Variants in DPH6 observed in about 807,000 individuals in gnomAD.
DPH6 encodes the protein diphthine--ammonia ligase.
In DPH6, 33 loss-of-function variants were observed where a neutral mutation model predicts 38.2. The observed-to-expected ratio is 0.86, with a 90% CI of 0.65 to 1.15. The LOEUF is 1.15. Among genes scored for constraint, DPH6 ranks in the 50% most tolerant of loss-of-function variants. The pLI is 0.00. For missense variants in DPH6, 325 were observed against 320.0 expected (o/e 1.02, Z -0.12); for synonymous variants, 108 against 103.0 (o/e 1.05, Z -0.30).
chr15:35,311,204 T>C (rs1297970204), intron 3 of DPH6, among the ~76,000 whole-genome samples: 1 of 152,142 alleles, frequency 6.6e-6, no homozygotes. Flanking sequence ...TAGTACTCAA[T>C]AAACATTAGG....
chr15:35,507,309 T>C (rs955751876), intron 3 of DPH6, among the ~76,000 whole-genome samples: 2 of 152,068 alleles, frequency 1.3e-5, no homozygotes, highest in African/African-American at 2.4e-5. Context: ...AATACTATAA[T>C]ATAAAAATTT....
intron 3 of DPH6, among the ~76,000 whole-genome samples, chr15:35,279,068 A>AAAAAATAAATAAATATAT (rs1555390826): frequency 9.7e-6 from 1 of 102,992 alleles, no homozygotes; most frequent in Admixed American, 1.1e-4. Context: ...AAAAAAAAAA[A>AAAAAATAAATAAATATAT]ATATATATAT....
At chr15:35,489,217 G>A in intron 3 of DPH6, 1 of 484,396 alleles carries the variant, frequency 2.1e-6, no homozygotes, top group Non-Finnish European at 2.7e-6. Context: ...ATATAATCTT[G>A]GAAACCACAG....
At position 35,496,708 on chromosome 15, in the gene DPH6, T is replaced by A. The variant is rs557621611; in HGVS notation, c.312+41566A>T. On this transcript the variant is annotated intron_variant, in intron 3 of 8. Coordinates refer to ENST00000256538, the MANE Select transcript of DPH6 (RefSeq NM_080650.4). The stretch of plus-strand genomic sequence containing the variant: ...ATGGTCAGTAAACATGTGAAAAAAA[T>A]TTTCAATCTCATCAGAGAAATGCAA... Among the ~76,000 whole-genome samples the A allele has an allele frequency of 3.3e-5, 5 of 149,912 alleles. No homozygotes were observed. The South Asian group carries it at 8.6e-4, about 26-fold the overall frequency.
chr15:35,445,113 G>A (rs1378004142), intron 5 of DPH6, among the ~76,000 whole-genome samples: 2 of 152,156 alleles, frequency 1.3e-5, no homozygotes, highest in East Asian at 1.9e-4. Flanking sequence ...CATAACTCCA[G>A]AGAGGAGTTG....
intron 6 of DPH6, chr15:35,400,678 TC>T: frequency 1.6e-6 from 1 of 642,096 alleles, no homozygotes; most frequent in South Asian, 2.0e-5. Context: ...AAGTCTCTCT[TC>T]CCCCTGCCAT....
intron 3 of DPH6, among the ~76,000 whole-genome samples, chr15:35,305,637 A>C (rs1771012969): frequency 6.6e-6 from 1 of 152,184 alleles, no homozygotes; most frequent in Non-Finnish European, 1.5e-5. Flanking sequence ...TGCTTAGACC[A>C]TTTAAAAAGC....
In DPH6 at chr15:35,283,011, TTCC is replaced by T. The variant is rs375120838; in HGVS notation, n.201-62432_201-62430del. The T allele has an allele frequency of 7.8e-4, 173 of 220,990 alleles. 3 individuals carry two copies. The highest frequency in any genetic ancestry group is 2.6e-3 in the African/African-American group (107 of 40,438). The allele number at this position is 220,990 out of a possible 1,614,324, so 13.7% of individuals were successfully genotyped here. ...GAATATCATCATCATCTTCTTCTTCTTCCTCTTCCTCTTCTTCCTTCTTCTTCT... is the reference window on the plus strand; with the variant it reads ...GAATATCATCATCATCTTCTTCTTCTTCTTCCTCTTCTTCCTTCTTCTTCT... On this transcript the variant is annotated intron_variant and non_coding_transcript_variant, in intron 3 of 3. Coordinates refer to the DPH6 transcript ENST00000560386.
At chr15:35,496,567 A>AAAAAAAAAAAAAAAAAAAATATATATAT in intron 3 of DPH6, among the ~76,000 whole-genome samples, 3 of 31,008 alleles carry the variant, frequency 9.7e-5, no homozygotes, top group African/African-American at 4.1e-4. Flanking sequence ...AAAAAAAAAA[A>AAAAAAAAAAAAAAAAAAAATATATATAT]ATATATATAT....
chr15:35,355,931 T>C (rs944340167), intron 3 of DPH6, among the ~76,000 whole-genome samples: 1 of 152,344 alleles, frequency 6.6e-6, no homozygotes, highest in African/African-American at 2.4e-5. Context: ...CAACCAGATG[T>C]AGATTTGGTC....
intron 3 of DPH6, among the ~76,000 whole-genome samples, chr15:35,478,657 G>A (rs911938960): frequency 2.6e-5 from 4 of 151,860 alleles, no homozygotes; most frequent in African/African-American, 9.6e-5. Flanking sequence ...ACCAAATCTG[G>A]GGTGGTCTAA....
chr15:35,295,353 T>G (rs1325013022), intron 3 of DPH6, among the ~76,000 whole-genome samples: 1 of 152,220 alleles, frequency 6.6e-6, no homozygotes, highest in Admixed American at 6.5e-5. Flanking sequence ...ACCTTTTTGC[T>G]CACAGTGAAG....
chr15:35,494,307 A>G (rs1283464644), intron 3 of DPH6, among the ~76,000 whole-genome samples: 1 of 152,156 alleles, frequency 6.6e-6, no homozygotes, highest in East Asian at 1.9e-4. Context: ...TCCAAATAAC[A>G]CTTTGTATAA....
At chr15:35,337,153 C>G (rs1284266056) in intron 3 of DPH6, among the ~76,000 whole-genome samples, 1 of 152,150 alleles carries the variant, frequency 6.6e-6, no homozygotes, top group Non-Finnish European at 1.5e-5. Flanking sequence ...AGAGATTCAA[C>G]TTCTTCCTGG....
chr15:35,399,939 C>A (rs1273588604), intron 6 of DPH6, among the ~76,000 whole-genome samples: 1 of 152,118 alleles, frequency 6.6e-6, no homozygotes, highest in African/African-American at 2.4e-5. Context: ...TGGATCCAGG[C>A]AACAAGGACT....
chr15:35,238,575 T>C (rs538707815), intron 3 of DPH6, among the ~76,000 whole-genome samples: 1 of 152,322 alleles, frequency 6.6e-6, no homozygotes, highest in East Asian at 1.9e-4. Context: ...CTCTTTCTCT[T>C]CTTGGAAATT....
chr15:35,484,663 A>G lies in DPH6; in HGVS notation c.313-29843T>C, dbSNP rs1472450652. 2.0e-5 allele frequency among the ~76,000 whole-genome samples: 3 copies of G among 152,150 alleles called. No homozygotes were observed. The East Asian group carries it at 5.8e-4, about 29-fold the overall frequency. On this transcript the variant is annotated intron_variant, in intron 3 of 8. Transcript: ENST00000256538. ...GAGAGAATGCATACAAGACAAAGAA[A>G]CACTTTTTTGTAACCTAATCTCAGA...
intron 5 of DPH6, among the ~76,000 whole-genome samples, chr15:35,449,516 C>T (rs968961629): frequency 2.0e-5 from 3 of 151,966 alleles, no homozygotes; most frequent in Non-Finnish European, 4.4e-5. Flanking sequence ...TTCAGTGAGA[C>T]GTCACGTGAA....
At chr15:35,303,514 A>G (rs1370751114) in intron 3 of DPH6, among the ~76,000 whole-genome samples, 2 of 151,878 alleles carry the variant, frequency 1.3e-5, no homozygotes, top group African/African-American at 2.4e-5. Context: ...AATTATATAT[A>G]TATGAGGTAA....
Sources: allele counts gnomAD v4.1 joint callset (sites outside exome capture counted in the v4.1 genomes callset), GRCh38; gene constraint gnomAD v4.1.1; transcripts MANE v1.5; gene names NCBI Gene and HGNC (gene_info 2026-07-23, HGNC 2026-07-21).